Variants in PTGER3 observed in about 807,000 individuals in gnomAD.
PTGER3 encodes prostaglandin E2 receptor EP3 subtype.
In PTGER3, 22 loss-of-function variants were observed where a neutral mutation model predicts 34.7. The observed-to-expected ratio is 0.63, with a 90% confidence interval of 0.45 to 0.91. The LOEUF (loss-of-function observed/expected upper bound fraction) is 0.91. PTGER3 is among the 40% of genes least tolerant of loss of function. The probability of loss-of-function intolerance (pLI) is 0.00; values close to 1 mark genes in which losing one functional copy is unlikely to be tolerated. For synonymous variants in PTGER3, 241 were observed against 230.1 expected (o/e 1.05, Z -0.43); for missense variants, 468 against 519.4 (o/e 0.90, Z 0.96).
chr1:70,905,579 C>T (rs576633018), intron 4 of PTGER3, among the ~76,000 whole-genome samples: 9 of 152,180 alleles, frequency 5.9e-5, no homozygotes, highest in African/African-American at 1.9e-4. Flanking sequence ...ATTTGACTGC[C>T]CTGCTGGATT....
At chr1:70,926,313 C>T (rs1648082126) in intron 4 of PTGER3, among the ~76,000 whole-genome samples, 1 of 152,190 alleles carries the variant, frequency 6.6e-6, no homozygotes. Context: ...TACCCATGAG[C>T]ATGGAATGTT....
At chr1:70,881,171 C>G (rs1387332627) in intron 4 of PTGER3, among the ~76,000 whole-genome samples, 1 of 152,138 alleles carries the variant, frequency 6.6e-6, no homozygotes, top group Non-Finnish European at 1.5e-5. Context: ...CTCTCAAGCT[C>G]TGAGATTCTT....
chr1:70,989,004 T>C (rs979346521), intron 2 of PTGER3, among the ~76,000 whole-genome samples: 2 of 152,124 alleles, frequency 1.3e-5, no homozygotes, highest in African/African-American at 2.4e-5. Flanking sequence ...AGAAGTTCCA[T>C]GATAATTTCA....
At chr1:71,021,710 C>A (rs2300171) in intron 1 of PTGER3, among the ~76,000 whole-genome samples, 50,462 of 151,346 alleles carry the variant, frequency 0.33, 9,243 homozygotes, top group South Asian at 0.46. Context: ...TCGGAGTGTT[C>A]GTGACAATTA....
chr1:70,869,560 G>A (rs1646119518), intron 4 of PTGER3, among the ~76,000 whole-genome samples: 1 of 152,090 alleles, frequency 6.6e-6, no homozygotes, highest in African/African-American at 2.4e-5. Flanking sequence ...CTATAAGCCT[G>A]TAAAGTCAAA....
intron 2 of PTGER3, chr1:71,009,238 G>A: frequency 1.0e-6 from 1 of 985,136 alleles, no homozygotes; most frequent in Non-Finnish European, 1.2e-6. Flanking sequence ...ATGCCAATGT[G>A]CTCACAGGAT....
chr1:70,910,772 C>A (rs958343374), intron 4 of PTGER3, among the ~76,000 whole-genome samples: 2 of 152,074 alleles, frequency 1.3e-5, no homozygotes, highest in Non-Finnish European at 2.9e-5. Context: ...GTCAATGAGC[C>A]ACGTTCTGGT....
intron 4 of PTGER3, among the ~76,000 whole-genome samples, chr1:70,905,350 C>T (rs147156332): frequency 7.9e-5 from 12 of 151,440 alleles, no homozygotes; most frequent in South Asian, 6.3e-4. Context: ...GACCACCATC[C>T]TCCACACCCC....
intron 4 of PTGER3, among the ~76,000 whole-genome samples, chr1:70,908,129 T>C (rs1572615885): frequency 6.6e-6 from 1 of 152,220 alleles, no homozygotes; most frequent in Non-Finnish European, 1.5e-5. Flanking sequence ...AGGCCGAAAG[T>C]GTTGGAAATG....
At chr1:70,966,164 A>G (rs1374554379), downstream of PTGER3, among the ~76,000 whole-genome samples, 1 of 152,220 alleles carries the variant, frequency 6.6e-6, no homozygotes, top group African/African-American at 2.4e-5. Flanking sequence ...TGTGCAAATT[A>G]TGTTCATTTT....
At chr1:70,866,198 T>C (rs1457414101) in intron 4 of PTGER3, among the ~76,000 whole-genome samples, 3 of 152,220 alleles carry the variant, frequency 2.0e-5, no homozygotes, top group Non-Finnish European at 4.4e-5. Context: ...AGATGCCTAA[T>C]ACATATTTGC....
chr1:71,030,333 G>T (rs1659299082), intron 1 of PTGER3, among the ~76,000 whole-genome samples: 1 of 152,136 alleles, frequency 6.6e-6, no homozygotes, highest in Non-Finnish European at 1.5e-5. Flanking sequence ...TAAGAAAAAA[G>T]ATGAAAGCAG....
chr1:70,884,413 G>A (rs1041241972), intron 4 of PTGER3, among the ~76,000 whole-genome samples: 2 of 152,170 alleles, frequency 1.3e-5, no homozygotes, highest in Admixed American at 6.5e-5. Flanking sequence ...CTAGTCAACT[G>A]ATTTTGAGTT....
intron 4 of PTGER3, among the ~76,000 whole-genome samples, chr1:70,853,581 G>A (rs1360274813): frequency 6.6e-6 from 1 of 152,138 alleles, no homozygotes; most frequent in African/African-American, 2.4e-5. Context: ...AACATTATGA[G>A]TGATAATAAT....
Position 70,859,388 on chromosome 1 carries a change from A to T in PTGER3, c.*24-6529T>A, listed in dbSNP as rs139192541. 7.8e-3 allele frequency among the ~76,000 whole-genome samples: 1,190 copies of T among 152,204 alleles called. 26 individuals carry two copies. Among genetic ancestry groups the T allele is most frequent in the Non-Finnish European group, 7.0e-3 (474 of 68,018 alleles). ...GTGTCTTTATGGTGCCTAGTCTGTC[A>T]TATTCTCATTAGTTTTCTTTTTTTC... On this transcript the variant is annotated intron_variant, in intron 4 of 4. Transcript: ENST00000370931.
At chr1:70,859,198 C>T (rs1233845945) in intron 4 of PTGER3, among the ~76,000 whole-genome samples, 1 of 152,154 alleles carries the variant, frequency 6.6e-6, no homozygotes, top group African/African-American at 2.4e-5. Flanking sequence ...TTGCTCATTA[C>T]TTCCATAAAT....
At chr1:70,906,027 G>C (rs1646939603) in intron 4 of PTGER3, among the ~76,000 whole-genome samples, 1 of 123,516 alleles carries the variant, frequency 8.1e-6, no homozygotes, top group African/African-American at 3.0e-5. Context: ...GAATCTCATA[G>C]GATCTGATGG....
intron 4 of PTGER3, chr1:70,947,359 TG>T (rs1276466878): frequency 3.3e-5 from 5 of 152,694 alleles, no homozygotes; most frequent in African/African-American, 1.2e-4. Context: ...CAAGATAAGA[TG>T]GGTTTATCAG....
chr1:70,889,328 T>C (rs957851698), intron 4 of PTGER3, among the ~76,000 whole-genome samples: 2 of 143,748 alleles, frequency 1.4e-5, no homozygotes, highest in East Asian at 4.2e-4. Flanking sequence ...GGCAGGAGAA[T>C]GGCATGAACC....
Sources: allele counts gnomAD v4.1 joint callset (sites outside exome capture counted in the v4.1 genomes callset), GRCh38; gene constraint gnomAD v4.1.1; transcripts MANE v1.5; gene names NCBI Gene and HGNC (gene_info 2026-07-23, HGNC 2026-07-21).